SEMA6D: variants seen among roughly 807,000 people sequenced by gnomAD.
The protein encoded by SEMA6D is semaphorin-6D.
Under a neutral mutation model 106.6 loss-of-function variants are expected in SEMA6D, and 35 were observed. The observed-to-expected ratio is 0.33, with a 90% CI of 0.25 to 0.44. The LOEUF is 0.44. Ranked by LOEUF, SEMA6D falls within the 20% of genes least tolerant of loss-of-function variation. The pLI, the probability that SEMA6D is intolerant of heterozygous loss-of-function variation, is 1.00. For synonymous variants in SEMA6D, 499 were observed against 487.7 expected, an observed-to-expected ratio of 1.02 and a Z score of -0.31; for missense variants, 1,185 against 1,345.9, an observed-to-expected ratio of 0.88 and a Z score of 1.87.
chr15:47,507,243 G>A (rs983528671), intron 3 of SEMA6D, among the ~76,000 whole-genome samples: 28 of 152,280 alleles, frequency 1.8e-4, no homozygotes, highest in African/African-American at 6.3e-4. Context: ...TAGAAAAATA[G>A]AATACAGAGG....
At chr15:47,186,294 A>G (rs1160576926) in intron 1 of SEMA6D, among the ~76,000 whole-genome samples, 1 of 152,178 alleles carries the variant, frequency 6.6e-6, no homozygotes, top group African/African-American at 2.4e-5. Context: ...CTGATTCCAC[A>G]GGGAAAAACC....
intron 1 of SEMA6D, chr15:47,395,771 T>A (rs2040194055): frequency 6.6e-6 from 1 of 152,194 alleles, no homozygotes; most frequent in Non-Finnish European, 1.5e-5. Flanking sequence ...ATGCAGTAGG[T>A]TCGTATACCT....
chr15:47,509,536 A>G (rs140811732), intron 3 of SEMA6D, among the ~76,000 whole-genome samples: 20 of 152,296 alleles, frequency 1.3e-4, no homozygotes, highest in African/African-American at 4.1e-4. Context: ...CATGACATTG[A>G]AGGCTTCCAA....
At chr15:47,570,039 G>C (rs34248173) in intron 3 of SEMA6D, among the ~76,000 whole-genome samples, 2 of 150,960 alleles carry the variant, frequency 1.3e-5, no homozygotes, top group Non-Finnish European at 3.0e-5. Context: ...CCCAGCCCGG[G>C]CAACAGAGGG....
chr15:47,248,855 C>A (rs992533895), intron 1 of SEMA6D, among the ~76,000 whole-genome samples: 3 of 152,148 alleles, frequency 2.0e-5, no homozygotes, highest in Non-Finnish European at 4.4e-5. Flanking sequence ...AACTGGGGAA[C>A]CTCAGTGGCA....
intron 1 of SEMA6D, among the ~76,000 whole-genome samples, chr15:47,230,213 T>C (rs1245510194): frequency 2.6e-5 from 4 of 152,072 alleles, no homozygotes; most frequent in African/African-American, 9.7e-5. Context: ...ATTAATCTGC[T>C]CCAGTTTTTG....
intron 1 of SEMA6D, among the ~76,000 whole-genome samples, chr15:47,374,378 C>T (rs2039379225): frequency 6.6e-6 from 1 of 152,112 alleles, no homozygotes; most frequent in Admixed American, 6.5e-5. Flanking sequence ...TGTGGCCAAG[C>T]TCATTGTCAA....
chr15:47,396,090 G>A (rs542988561), intron 1 of SEMA6D, among the ~76,000 whole-genome samples: 1 of 152,246 alleles, frequency 6.6e-6, no homozygotes, highest in African/African-American at 2.4e-5. Flanking sequence ...GACAGAGCAA[G>A]AAGGCAACCC....
At chr15:47,212,471 C>T (rs950883413) in intron 1 of SEMA6D, among the ~76,000 whole-genome samples, 48 of 152,242 alleles carry the variant, frequency 3.2e-4, no homozygotes, top group African/African-American at 1.1e-3. Flanking sequence ...ACGAGCATGA[C>T]GTATTGAGCA....
intron 1 of SEMA6D, among the ~76,000 whole-genome samples, chr15:47,343,222 TA>T (rs1205573398): frequency 5.6e-5 from 8 of 143,468 alleles, no homozygotes; most frequent in African/African-American, 1.9e-4. Flanking sequence ...AATTCTTTTT[TA>T]AAAAAACGAT....
chr15:47,686,391 T>G (rs1056778688), intron 4 of SEMA6D, among the ~76,000 whole-genome samples: 1 of 152,182 alleles, frequency 6.6e-6, no homozygotes, highest in Non-Finnish European at 1.5e-5. Context: ...CTAACCAACT[T>G]CAATTTTGAC....
At chr15:47,751,879 A>G (rs1372359446) in intron 1 of SEMA6D, among the ~76,000 whole-genome samples, 2 of 152,208 alleles carry the variant, frequency 1.3e-5, no homozygotes, top group African/African-American at 4.8e-5. Flanking sequence ...TATTTTCTAA[A>G]AAATTAGGGG....
chr15:47,762,014 C>T (rs1032827695), intron 7 of SEMA6D, among the ~76,000 whole-genome samples, 186 bp from the exon 8 acceptor site: 1 of 152,082 alleles, frequency 6.6e-6, no homozygotes, highest in African/African-American at 2.4e-5. Context: ...TGCCTAGATC[C>T]CTGTAAAATT....
intron 1 of SEMA6D, among the ~76,000 whole-genome samples, chr15:47,755,470 G>T (rs1329529642): frequency 1.3e-5 from 2 of 151,996 alleles, no homozygotes; most frequent in African/African-American, 2.4e-5. Flanking sequence ...CTTGAATGTT[G>T]GGCAATGTAT....
intron 1 of SEMA6D, among the ~76,000 whole-genome samples, chr15:47,283,549 A>G (rs924042480): frequency 6.6e-6 from 1 of 152,140 alleles, no homozygotes; most frequent in Non-Finnish European, 1.5e-5. Context: ...GGCAGCTTTC[A>G]CATTCTACCC....
At chr15:47,623,054 T>G (rs924661576) in intron 4 of SEMA6D, among the ~76,000 whole-genome samples, 1 of 152,120 alleles carries the variant, frequency 6.6e-6, no homozygotes, top group Admixed American at 6.5e-5. Flanking sequence ...AAACTGCCCT[T>G]CTCTTCCCCC....
intron 1 of SEMA6D, among the ~76,000 whole-genome samples, chr15:47,349,556 ATG>A (rs1183585096): frequency 2.0e-5 from 3 of 152,208 alleles, no homozygotes; most frequent in Non-Finnish European, 4.4e-5. Flanking sequence ...TTGTTTTAAA[ATG>A]TGAATGCTAT....
At chr15:47,716,352 G>C (rs992115277), upstream of SEMA6D, among the ~76,000 whole-genome samples, 1 of 152,136 alleles carries the variant, frequency 6.6e-6, no homozygotes, top group Non-Finnish European at 1.5e-5. Flanking sequence ...GGAAGTTTCA[G>C]AAACAACGAG....
In SEMA6D at chr15:47,468,968, T is replaced by C. The variant is rs116065177; in HGVS notation, c.-158-1506T>C. Among the ~76,000 whole-genome samples the C allele has an allele frequency of 6.3e-3, 965 of 152,258 alleles. 9 individuals are homozygous for C. The highest frequency in any genetic ancestry group is 0.022 in the African/African-American group (926 of 41,554). Reference sequence around the variant, plus strand: ...AGAAAGTCCTGGATTTTCCTTTTCATTGGCCCCTGAACTCTTGAGGTCTCT... The same window carrying C: ...AGAAAGTCCTGGATTTTCCTTTTCACTGGCCCCTGAACTCTTGAGGTCTCT... On this transcript the variant is annotated intron_variant, in intron 2 of 19. Transcript: ENST00000558014.
Sources: allele counts gnomAD v4.1 joint callset (sites outside exome capture counted in the v4.1 genomes callset), GRCh38; gene constraint gnomAD v4.1.1; transcripts MANE v1.5; gene names NCBI Gene and HGNC (gene_info 2026-07-23, HGNC 2026-07-21).